The following TIMM23B variants were observed in gnomAD, a reference collection of about 807,000 sequenced individuals.
TIMM23B encodes translocase of inner mitochondrial membrane 23 homolog B.
Under a neutral mutation model 27.3 loss-of-function variants are expected in TIMM23B, and 27 were observed. That is an observed-to-expected ratio of 0.99 (90% CI 0.73 to 1.36). The LOEUF (loss-of-function observed/expected upper bound fraction) is 1.36. Among genes scored for constraint, TIMM23B ranks in the 40% most tolerant of loss-of-function variants. The pLI, the probability that TIMM23B is intolerant of heterozygous loss-of-function variation, is 0.00. For missense variants in TIMM23B, 205 were observed against 244.2 expected (o/e 0.84, Z 1.07); for synonymous variants, 73 against 92.4 (o/e 0.79, Z 1.21).
rs1446954174 is a variant in TIMM23B, at chr10:49,973,712, C to CA, written c.*650dup. The CA allele has an allele frequency of 2.6e-5, 4 of 151,510 alleles. No homozygotes were observed. Among genetic ancestry groups the CA allele is most frequent in the Admixed American group, 1.3e-4 (2 of 15,240 alleles). The allele number at this position is 151,510 out of a possible 1,614,324, so 9.4% of individuals were successfully genotyped here. On this transcript the variant is annotated 3_prime_UTR_variant, in exon 7 of 7. Coordinates refer to ENST00000651259, the MANE Select transcript of TIMM23B (RefSeq NM_001290117.2). ...GAATCTAGAGACATCAGTGTGTGCA[C>CA]AAGCATGGTTTGTGAATTTGGAAGT...
chr10:49,951,591 C>T (rs1284416744), intron 2 of TIMM23B, among the ~76,000 whole-genome samples: 2 of 152,002 alleles, frequency 1.3e-5, no homozygotes, highest in Admixed American at 6.5e-5. Context: ...GAAATAGGGT[C>T]TATAGCTTTC....
intron 1 of TIMM23B, among the ~76,000 whole-genome samples, chr10:49,942,510 C>G (rs1320767338): frequency 3.3e-5 from 5 of 152,088 alleles, no homozygotes; most frequent in Non-Finnish European, 5.9e-5. Context: ...GGGAAGCTGT[C>G]CGTGATTGAC....
chr10:49,958,741 G>A (rs1191253554), intron 6 of TIMM23B, among the ~76,000 whole-genome samples: 2 of 152,166 alleles, frequency 1.3e-5, no homozygotes, highest in Admixed American at 6.5e-5. Context: ...TTGCAAAACT[G>A]ATACTCTGTA....
At chr10:49,959,193 A>G (rs1201585539) in intron 6 of TIMM23B, among the ~76,000 whole-genome samples, 1 of 152,026 alleles carries the variant, frequency 6.6e-6, no homozygotes, top group Non-Finnish European at 1.5e-5. Context: ...TCTTTTCTGT[A>G]TTTTTCATTC....
At chr10:49,970,430 C>G in intron 6 of TIMM23B, 1 of 167,250 alleles carries the variant, frequency 6.0e-6, no homozygotes, top group Non-Finnish European at 1.3e-5. Flanking sequence ...TGAGGAGCGC[C>G]TCTGCCTGGC....
At chr10:49,947,590 A>G (rs1839393580) in intron 2 of TIMM23B, among the ~76,000 whole-genome samples, 1 of 151,966 alleles carries the variant, frequency 6.6e-6, no homozygotes, top group Admixed American at 6.6e-5. Flanking sequence ...AGCCTGGGCA[A>G]CAGAGTAAGA....
intron 5 of TIMM23B, among the ~76,000 whole-genome samples, chr10:49,957,502 C>T (rs1342583189): frequency 5.3e-5 from 8 of 152,046 alleles, no homozygotes; most frequent in African/African-American, 1.9e-4. Context: ...GTGATCTTCC[C>T]ACCTCGGCCT....
At position 49,942,266 on chromosome 10, in the gene TIMM23B, A is replaced by G. The variant is rs1839137678; in HGVS notation, c.72A>G (p.Ala24=). Residue 24 remains alanine, a synonymous_variant, in exon 1 of 7, where the codon GCA becomes GCG. Coordinates refer to ENST00000651259, the MANE Select transcript of TIMM23B (RefSeq NM_001290117.2). ...CCGGCTTTTTCGGAGCCGGCGAAGCAGGTTACTCGCACGCGGATTTGGCTG... is the reference window on the plus strand; with the variant it reads ...CCGGCTTTTTCGGAGCCGGCGAAGCGGGTTACTCGCACGCGGATTTGGCTG... ...VLAGFFGAGE[A]GYSHADLAGV... 3.1e-6 allele frequency: 5 copies of G among 1,612,576 alleles called. No individual in the cohort carries two copies. Among genetic ancestry groups the G allele is most frequent in the South Asian group, 2.2e-5 (2 of 90,826 alleles).
intron 6 of TIMM23B, among the ~76,000 whole-genome samples, chr10:49,971,672 C>T (rs1840456674): frequency 6.6e-6 from 1 of 152,186 alleles, no homozygotes; most frequent in Admixed American, 6.5e-5. Context: ...ATGTGCATAG[C>T]TTCTCCCCGT....
chr10:49,942,236 A>G lies in TIMM23B; in HGVS notation c.42A>G (p.Val14=). ...GAAGCGGCGACAAAACCACAGGGGTATTGGCCGGCTTTTTCGGAGCCGGCG... is the reference window on the plus strand; with the variant it reads ...GAAGCGGCGACAAAACCACAGGGGTGTTGGCCGGCTTTTTCGGAGCCGGCG... The part of the protein sequence containing the change: ...GGGSGDKTTG[V]LAGFFGAGEA... Residue 14 remains valine (V), a synonymous_variant, in exon 1 of 7, where the codon GTA becomes GTG. Coordinates refer to ENST00000651259, the MANE Select transcript of TIMM23B (RefSeq NM_001290117.2). 2 of 1,612,788 alleles carry G rather than the reference A, an allele frequency of 1.2e-6. No individual in the cohort carries two copies. The highest frequency in any genetic ancestry group is 1.7e-6 in the Non-Finnish European group (2 of 1,179,432).
chr10:49,956,079 T>C (rs1564682512), intron 5 of TIMM23B, among the ~76,000 whole-genome samples: 1 of 120,160 alleles, frequency 8.3e-6, no homozygotes, highest in Admixed American at 1.1e-4. Flanking sequence ...CTAGAATGGC[T>C]GGTCACCCTC....
chr10:49,957,479 C>T (rs1839765723), intron 5 of TIMM23B, among the ~76,000 whole-genome samples: 1 of 152,052 alleles, frequency 6.6e-6, no homozygotes, highest in Admixed American at 6.6e-5. Context: ...TGGTCTCTGA[C>T]TCCTGGGCTT....
chr10:49,956,646 C>T (rs1453583572), intron 5 of TIMM23B, among the ~76,000 whole-genome samples: 1 of 145,688 alleles, frequency 6.9e-6, no homozygotes, highest in African/African-American at 2.4e-5. Context: ...GTGCACATGT[C>T]CCTGATTTAC....
At chr10:49,947,877 A>G (rs1437106834) in intron 2 of TIMM23B, among the ~76,000 whole-genome samples, 5 of 152,202 alleles carry the variant, frequency 3.3e-5, no homozygotes, top group African/African-American at 1.2e-4. Context: ...CTCAGTGAGC[A>G]TAATCAAACC....
At chr10:49,965,895 C>A (rs1840124944) in intron 6 of TIMM23B, among the ~76,000 whole-genome samples, 3 of 146,092 alleles carry the variant, frequency 2.1e-5, no homozygotes, top group South Asian at 2.2e-4. Flanking sequence ...CGCACTCCAG[C>A]CTGGGCAATA....
chr10:49,960,157 T>C (rs1402034924), intron 6 of TIMM23B, among the ~76,000 whole-genome samples: 1 of 150,082 alleles, frequency 6.7e-6, no homozygotes, highest in Non-Finnish European at 1.5e-5. Flanking sequence ...AGGTGATCCA[T>C]CTCAGCCTCC....
At chr10:49,947,469 C>T (rs1839389683) in intron 2 of TIMM23B, among the ~76,000 whole-genome samples, 1 of 151,508 alleles carries the variant, frequency 6.6e-6, no homozygotes, top group Non-Finnish European at 1.5e-5. Flanking sequence ...ATTAGCCAGG[C>T]GTGGTGCTGG....
chr10:49,949,722 CTTAAAT>C (rs1226443482), intron 2 of TIMM23B, among the ~76,000 whole-genome samples: 1 of 150,474 alleles, frequency 6.6e-6, no homozygotes, highest in Admixed American at 6.7e-5. Context: ...TTCTGGAGAC[CTTAAAT>C]TTAAAGATAA....
In TIMM23B at chr10:49,942,271, A is replaced by G; in HGVS notation, c.77A>G (p.Tyr26Cys). 6.2e-7 allele frequency: 1 copy of G among 1,612,522 alleles called. No homozygotes were observed. The highest frequency in any genetic ancestry group is 8.5e-7 in the Non-Finnish European group (1 of 1,179,280). The part of the protein sequence containing the change: ...AGFFGAGEAG[Y>C]SHADLAGVPL... ...TTTTTCGGAGCCGGCGAAGCAGGTTACTCGCACGCGGATTTGGCTGGCGTC... is the reference window on the plus strand; with the variant it reads ...TTTTTCGGAGCCGGCGAAGCAGGTTGCTCGCACGCGGATTTGGCTGGCGTC... Residue 26 changes from tyrosine to cysteine, a missense_variant, in exon 1 of 7, where the codon TAC becomes TGC. By Grantham distance (194) the Tyr-to-Cys change is radical. Coordinates refer to ENST00000651259, the MANE Select transcript of TIMM23B (RefSeq NM_001290117.2).
Sources: allele counts gnomAD v4.1 joint callset (sites outside exome capture counted in the v4.1 genomes callset), GRCh38; gene constraint gnomAD v4.1.1; transcripts MANE v1.5; gene names NCBI Gene and HGNC (gene_info 2026-07-23, HGNC 2026-07-21).